PRMT3: variants seen among roughly 807,000 people sequenced by gnomAD.
PRMT3 encodes the protein protein arginine N-methyltransferase 3.
In PRMT3, 62 loss-of-function variants were observed where a neutral mutation model predicts 71.9. The ratio of observed to expected loss-of-function variants is 0.86; its 90% CI spans 0.70 to 1.07. The LOEUF (loss-of-function observed/expected upper bound fraction) is 1.07, where lower values mean the gene tolerates loss of function less well. Ranked by LOEUF, PRMT3 falls within the 50% of genes least tolerant of loss-of-function variation. The pLI is 0.00. For synonymous variants in PRMT3, 213 were observed against 220.4 expected (o/e 0.97, Z 0.30); for missense variants, 663 against 643.0 (o/e 1.03, Z -0.34).
chr11:20,424,207 A>G (rs956502775), intron 9 of PRMT3, among the ~76,000 whole-genome samples: 2 of 151,252 alleles, frequency 1.3e-5, no homozygotes, highest in African/African-American at 4.9e-5. Context: ...AAAAATTGAT[A>G]TGGGAGTGCA....
In PRMT3 at chr11:20,452,086, T is replaced by G. The variant is rs758570409; in HGVS notation, c.994-44T>G. On this transcript the variant is annotated intron_variant, in intron 10 of 15. Coordinates refer to ENST00000331079, the MANE Select transcript of PRMT3 (RefSeq NM_005788.4). ...GTTTAAATTGACCTGCTTATGAGAG[T>G]ATTGCACATTTCTAAACTCTTTTTT... 4.4e-6 allele frequency: 6 copies of G among 1,368,802 alleles called. No homozygotes were observed. The East Asian group carries it at 1.4e-4, about 31-fold the overall frequency. The allele number at this position is 1,368,802 out of a possible 1,614,324, so 84.8% of individuals were successfully genotyped here. A position where few individuals can be genotyped will look rare whatever the true frequency, so the allele number is the denominator to read the frequency against.
At chr11:20,486,350 C>T (rs1161280011) in intron 13 of PRMT3, among the ~76,000 whole-genome samples, 1 of 152,092 alleles carries the variant, frequency 6.6e-6, no homozygotes, top group Non-Finnish European at 1.5e-5. Context: ...AAGAGAAACC[C>T]ACACCTAGAC....
chr11:20,477,287 G>A (rs1850813957), intron 13 of PRMT3, among the ~76,000 whole-genome samples: 1 of 152,120 alleles, frequency 6.6e-6, no homozygotes, highest in Non-Finnish European at 1.5e-5. Flanking sequence ...GTTTTAAAGT[G>A]AGTCTTGGCC....
At chr11:20,391,771 T>C (rs555933726) in intron 3 of PRMT3, among the ~76,000 whole-genome samples, 12 of 152,214 alleles carry the variant, frequency 7.9e-5, no homozygotes, top group African/African-American at 1.9e-4. Flanking sequence ...ACAAGCCTTA[T>C]TGGGCTTGCA....
intron 10 of PRMT3, among the ~76,000 whole-genome samples, chr11:20,432,914 G>C (rs1229157972): frequency 6.6e-6 from 1 of 151,988 alleles, no homozygotes; most frequent in African/African-American, 2.4e-5. Context: ...GGTTTTTGCT[G>C]TTGAGCTCTT....
intron 13 of PRMT3, among the ~76,000 whole-genome samples, chr11:20,479,501 G>T (rs950757366): frequency 6.6e-6 from 1 of 152,110 alleles, no homozygotes; most frequent in African/African-American, 2.4e-5. Flanking sequence ...TGTGATAAGG[G>T]CATTCTAGTT....
intron 13 of PRMT3, among the ~76,000 whole-genome samples, chr11:20,483,365 G>A (rs1201158949): frequency 1.3e-5 from 2 of 152,086 alleles, no homozygotes; most frequent in East Asian, 3.9e-4. Flanking sequence ...TGAGGAATTA[G>A]GAATGGAACA....
intron 11 of PRMT3, among the ~76,000 whole-genome samples, chr11:20,460,229 T>TTAA (rs1279894642): frequency 2.6e-5 from 4 of 152,212 alleles, no homozygotes; most frequent in Non-Finnish European, 5.9e-5. Flanking sequence ...TGAAAGCTAG[T>TTAA]TAATACTCAT....
chr11:20,485,394 G>A lies in PRMT3; in HGVS notation c.1348-8525G>A, dbSNP rs117248261. 1.6e-3 allele frequency among the ~76,000 whole-genome samples: 250 copies of A among 152,242 alleles called. 2 individuals carry two copies. The highest frequency in any genetic ancestry group is 3.4e-3 in the Middle Eastern group (1 of 294). On this transcript the variant is annotated intron_variant, in intron 13 of 15. Transcript: ENST00000331079. ...TGAAGCAGTAGACAATAAAAACAGA[G>A]CTCTAGGTGCTCCAGGAATTAGTTA...
intron 13 of PRMT3, among the ~76,000 whole-genome samples, chr11:20,478,371 G>A (rs1850847497): frequency 6.6e-6 from 1 of 152,084 alleles, no homozygotes; most frequent in South Asian, 2.1e-4. Context: ...AAAGGTAAAT[G>A]AAAGTAAACA....
chr11:20,404,336 C>T (rs1384183366), intron 8 of PRMT3, among the ~76,000 whole-genome samples: 1 of 145,438 alleles, frequency 6.9e-6, no homozygotes, highest in Non-Finnish European at 1.5e-5. Context: ...TGGGTTCAAG[C>T]GATTCTCCTG....
intron 13 of PRMT3, among the ~76,000 whole-genome samples, chr11:20,489,784 A>G (rs1209769007): frequency 6.8e-6 from 1 of 147,030 alleles, no homozygotes; most frequent in South Asian, 2.2e-4. Context: ...TTTTTTTCTT[A>G]ATCTCTTTTA....
intron 10 of PRMT3, among the ~76,000 whole-genome samples, chr11:20,442,378 T>C (rs1211546060): frequency 6.6e-6 from 1 of 152,108 alleles, no homozygotes; most frequent in Non-Finnish European, 1.5e-5. Flanking sequence ...AAATTACTAA[T>C]TTTTTAGTAA....
chr11:20,419,831 A>G (rs1233636175), intron 9 of PRMT3, among the ~76,000 whole-genome samples: 1 of 152,198 alleles, frequency 6.6e-6, no homozygotes, highest in African/African-American at 2.4e-5. Flanking sequence ...ACCGAAAATC[A>G]CAAGTCACTC....
At chr11:20,494,467 G>A (rs2133454589) in intron 15 of PRMT3, among the ~76,000 whole-genome samples, 1 of 152,170 alleles carries the variant, frequency 6.6e-6, no homozygotes, top group Admixed American at 6.5e-5. Context: ...CCAAGTACTT[G>A]GGATTACAGG....
chr11:20,461,794 C>T (rs1191479439), intron 11 of PRMT3, among the ~76,000 whole-genome samples, 186 bp from the exon 12 acceptor site: 2 of 152,006 alleles, frequency 1.3e-5, no homozygotes, highest in Non-Finnish European at 2.9e-5. Flanking sequence ...CATGATAATG[C>T]GTATCTGTTT....
intron 13 of PRMT3, among the ~76,000 whole-genome samples, chr11:20,493,248 A>G (rs1364249402): frequency 6.7e-6 from 1 of 150,222 alleles, no homozygotes; most frequent in African/African-American, 2.4e-5. Flanking sequence ...TTTTTTCAGG[A>G]AAAAAAAAAT....
rs1849556845 is a variant in PRMT3, at chr11:20,426,828, C to A, written c.956C>A (p.Pro319His). 3 of 1,527,528 alleles carry A rather than the reference C, an allele frequency of 2.0e-6. No homozygotes were observed. The highest frequency in any genetic ancestry group is 2.6e-6 in the Non-Finnish European group (3 of 1,149,322). The allele number at this position is 1,527,528 out of a possible 1,614,324, so 94.6% of individuals were successfully genotyped here. The change falls in exon 10 of 16, where the codon CCT becomes CAT. Residue 319 changes from proline (P) to histidine (H), a missense_variant. By Grantham distance (77) the Pro-to-His change is moderately conservative. Transcript: ENST00000331079. ...GGAAAGATTGAAGAAGTTCATCTTC[C>A]TGTAGAAAAAGTAGATGTTATCATA... ...IKGKIEEVHL[P>H]VEKVDVIISE...
At chr11:20,464,413 TGG>T in intron 12 of PRMT3, 45 bp from the exon 13 acceptor site, 3 of 1,529,242 alleles carry the variant, frequency 2.0e-6, no homozygotes, top group East Asian at 2.3e-5. Flanking sequence ...TTTTTTTTTT[TGG>T]ACTATTTTTA....
Sources: gnomAD v4.1 joint callset for allele counts (sites outside exome capture counted in the v4.1 genomes callset) on GRCh38, gnomAD v4.1.1 for gene constraint, MANE v1.5 for transcripts, NCBI Gene and HGNC (gene_info 2026-07-23, HGNC 2026-07-21) for gene names.